The following PLXNA4 variants were observed in gnomAD, a reference collection of about 807,000 sequenced individuals.
PLXNA4 encodes the protein plexin-A4.
In PLXNA4, 44 loss-of-function variants were observed where a neutral mutation model predicts 191.8. The observed-to-expected ratio is 0.23, with a 90% CI of 0.18 to 0.29. The LOEUF is 0.29. PLXNA4 is among the 10% of genes least tolerant of loss of function. The pLI, the probability that PLXNA4 is intolerant of heterozygous loss-of-function variation, is 1.00. For synonymous variants in PLXNA4, 1,082 were observed against 1,009.5 expected, an observed-to-expected ratio of 1.07 and a Z score of -1.36; for missense variants, 1,800 against 2,488.8, an observed-to-expected ratio of 0.72 and a Z score of 5.89.
intron 3 of PLXNA4, among the ~76,000 whole-genome samples, chr7:132,374,479 T>C (rs1804575942): frequency 6.6e-6 from 1 of 152,100 alleles, no homozygotes; most frequent in Non-Finnish European, 1.5e-5. Context: ...CAGCAAAGGC[T>C]GGAGGGAAGG....
At chr7:132,534,426 T>C (rs1425939019) in intron 1 of PLXNA4, among the ~76,000 whole-genome samples, 2 of 152,082 alleles carry the variant, frequency 1.3e-5, no homozygotes, top group East Asian at 3.9e-4. Context: ...TGAGGTTCCT[T>C]CCACCCCAGC....
intron 1 of PLXNA4, among the ~76,000 whole-genome samples, chr7:132,563,202 C>G (rs1220989233): frequency 2.1e-5 from 2 of 96,204 alleles, no homozygotes; most frequent in African/African-American, 9.0e-5. Flanking sequence ...TCCTCCTCTT[C>G]CTCCTCCTCC....
intron 3 of PLXNA4, among the ~76,000 whole-genome samples, chr7:132,305,380 ACACAC>A: frequency 6.8e-6 from 1 of 147,708 alleles, no homozygotes; most frequent in Admixed American, 6.7e-5. Context: ...ACACACACAC[ACACAC>A]ACACACACAC....
At chr7:132,634,255 T>G (rs1199360851) in intron 2 of PLXNA4, among the ~76,000 whole-genome samples, 1 of 152,210 alleles carries the variant, frequency 6.6e-6, no homozygotes, top group Admixed American at 6.5e-5. Flanking sequence ...GTGAAAATGC[T>G]ATGTAAACTG....
intron 2 of PLXNA4, among the ~76,000 whole-genome samples, chr7:132,498,324 T>C (rs957347849): frequency 1.3e-5 from 2 of 152,172 alleles, no homozygotes; most frequent in Admixed American, 6.5e-5. Context: ...AAGAAAAAGT[T>C]TGATGGACTT....
chr7:132,288,022 G>T (rs1800748918), intron 4 of PLXNA4, among the ~76,000 whole-genome samples: 1 of 152,178 alleles, frequency 6.6e-6, no homozygotes, highest in Non-Finnish European at 1.5e-5. Flanking sequence ...GGAAAGTCAA[G>T]ATGATGGATA....
At chr7:132,402,895 C>T (rs541812732) in intron 3 of PLXNA4, among the ~76,000 whole-genome samples, 1 of 152,248 alleles carries the variant, frequency 6.6e-6, no homozygotes, top group Non-Finnish European at 1.5e-5. Flanking sequence ...CACCCATTGA[C>T]CCCCAATCCA....
chr7:132,209,814 T>A (rs1411198819), intron 10 of PLXNA4, among the ~76,000 whole-genome samples: 1 of 152,038 alleles, frequency 6.6e-6, no homozygotes, highest in Non-Finnish European at 1.5e-5. Flanking sequence ...GAAGAATACA[T>A]AGGAAGCAGT....
intron 4 of PLXNA4, among the ~76,000 whole-genome samples, chr7:132,291,970 CT>C (rs1800908977): frequency 6.6e-6 from 1 of 152,040 alleles, no homozygotes. Context: ...AATGTTTTGT[CT>C]TTTTAGTAGA....
intron 3 of PLXNA4, among the ~76,000 whole-genome samples, chr7:132,303,119 C>T (rs1278653798): frequency 1.3e-5 from 2 of 151,852 alleles, no homozygotes; most frequent in South Asian, 2.1e-4. Flanking sequence ...GTGATCTGCC[C>T]GCCTCGGCCT....
At chr7:132,214,240 G>A (rs919675022) in intron 9 of PLXNA4, among the ~76,000 whole-genome samples, 3 of 152,166 alleles carry the variant, frequency 2.0e-5, no homozygotes, top group South Asian at 2.1e-4. Context: ...GACTGTTCTT[G>A]TCCAAGACAT....
intron 3 of PLXNA4, among the ~76,000 whole-genome samples, chr7:132,451,586 G>A (rs1439976471): frequency 6.6e-6 from 1 of 152,210 alleles, no homozygotes; most frequent in African/African-American, 2.4e-5. Flanking sequence ...TTCCTTTGTG[G>A]GGTCTCCTGT....
rs182315688 is a variant in PLXNA4 at position 132,316,103 on chromosome 7, T to C, written c.1372-17881A>G. On this transcript the variant is annotated intron_variant, in intron 3 of 31. Coordinates refer to ENST00000321063, the MANE Select transcript of PLXNA4 (RefSeq NM_020911.2). Reference sequence around the variant, plus strand: ...TCCTACTTTTTCAACTTGGAAAAACTGCTATGCCCTTGAAGAGGGGCACTG... The same window carrying C: ...TCCTACTTTTTCAACTTGGAAAAACCGCTATGCCCTTGAAGAGGGGCACTG... Among the ~76,000 whole-genome samples the C allele has an allele frequency of 9.8e-4, 150 of 152,316 alleles. 1 individual carries two copies. The Middle Eastern group carries it at 0.01, about 10-fold the overall frequency.
intron 25 of PLXNA4, among the ~76,000 whole-genome samples, chr7:132,149,698 G>A (rs930219306): frequency 1.3e-5 from 2 of 152,224 alleles, no homozygotes; most frequent in African/African-American, 4.8e-5. Flanking sequence ...TCTGAAATGT[G>A]CAAAGAATGC....
intron 2 of PLXNA4, among the ~76,000 whole-genome samples, chr7:132,644,539 G>A (rs933563037): frequency 2.0e-5 from 3 of 152,146 alleles, no homozygotes; most frequent in Non-Finnish European, 2.9e-5. Context: ...ACCATCAAAG[G>A]GGCTGGGTGA....
chr7:132,187,670 GC>G, intron 14 of PLXNA4, 63 bp from the exon 15 acceptor site: 1 of 1,523,850 alleles, frequency 6.6e-7, no homozygotes, highest in Admixed American at 2.0e-5. Flanking sequence ...TTCTGGGCAG[GC>G]GTGAGGCAGC....
At chr7:132,238,830 A>T (rs889942) in intron 5 of PLXNA4, among the ~76,000 whole-genome samples, 1 of 151,818 alleles carries the variant, frequency 6.6e-6, no homozygotes, top group Non-Finnish European at 1.5e-5. Context: ...GGGGGCACCC[A>T]TGAGCTCACA....
At chr7:132,315,834 T>C (rs1287875313) in intron 3 of PLXNA4, among the ~76,000 whole-genome samples, 2 of 152,180 alleles carry the variant, frequency 1.3e-5, no homozygotes, top group South Asian at 2.1e-4. Flanking sequence ...AAGGCAGAGA[T>C]GGAGGAAAGT....
chr7:132,477,815 A>G (rs1455302471), intron 3 of PLXNA4, among the ~76,000 whole-genome samples: 1 of 152,240 alleles, frequency 6.6e-6, no homozygotes, highest in Non-Finnish European at 1.5e-5. Context: ...TCAGAAAAAC[A>G]TCTCAGCTAC....
Sources: gnomAD v4.1 joint callset for allele counts (sites outside exome capture counted in the v4.1 genomes callset) on GRCh38, gnomAD v4.1.1 for gene constraint, MANE v1.5 for transcripts, NCBI Gene and HGNC (gene_info 2026-07-23, HGNC 2026-07-21) for gene names.